Variants in ZDHHC17 observed in about 807,000 individuals in gnomAD.
ZDHHC17 encodes the protein zDHHC palmitoyltransferase 17.
In ZDHHC17, 40 loss-of-function variants were observed where a neutral mutation model predicts 90.3. The ratio of observed to expected loss-of-function variants is 0.44; its 90% CI spans 0.34 to 0.58. ZDHHC17 has a LOEUF of 0.58. Ranked by LOEUF, ZDHHC17 falls within the 20% of genes least tolerant of loss-of-function variation. The probability of loss-of-function intolerance (pLI) is 0.01; values close to 1 mark genes in which losing one functional copy is unlikely to be tolerated. For missense variants in ZDHHC17, 614 were observed against 780.8 expected, an observed-to-expected ratio of 0.79 and a Z score of 2.55; for synonymous variants, 235 against 252.4, an observed-to-expected ratio of 0.93 and a Z score of 0.65.
At chr12:76,797,570 A>T (rs746681466) in intron 2 of ZDHHC17, 33 bp downstream of exon 2, 10 of 1,490,616 alleles carry the variant, frequency 6.7e-6, no homozygotes, top group Non-Finnish European at 9.2e-6. Context: ...TTTCTTTGGC[A>T]TGTGTATTTC....
Position 76,822,466 on chromosome 12 carries a change from C to T in ZDHHC17, c.832C>T (p.Gln278Ter). The T allele has an allele frequency of 1.2e-6, 2 of 1,612,392 alleles. No homozygotes were observed. The highest frequency in any genetic ancestry group is 8.5e-7 in the Non-Finnish European group (1 of 1,179,554). The change falls in exon 8 of 17, where the codon CAA (glutamine) becomes TAA (stop). Residue 278 changes from glutamine (Q) to a stop codon, truncating the protein, a stop_gained. Coordinates refer to ENST00000426126, the MANE Select transcript of ZDHHC17 (RefSeq NM_015336.4). LOFTEE classifies it high-confidence loss of function. ...RKNVWMINHLQEARQAKGYDN... is the reference protein window; with the variant it reads ...RKNVWMINHL ...AAATGTGTGGATGATCAACCACTTA[C>T]AAGAGGCAAGGCAAGCAAAAGGATA...
intron 1 of ZDHHC17, among the ~76,000 whole-genome samples, chr12:76,772,205 A>C (rs1952500396): frequency 6.6e-6 from 1 of 152,198 alleles, no homozygotes; most frequent in Admixed American, 6.5e-5. Context: ...ATACAGTATG[A>C]TAGAGATGAT....
chr12:76,849,224 G>A (rs1286139305), intron 15 of ZDHHC17, among the ~76,000 whole-genome samples, 152 bp from the exon 16 acceptor site: 5 of 147,222 alleles, frequency 3.4e-5, no homozygotes, highest in African/African-American at 1.2e-4. Flanking sequence ...TTTTGGGGTG[G>A]GGGGAGGTGG....
At position 76,809,691 on chromosome 12, in the gene ZDHHC17, T is replaced by C. The variant is rs747250566; in HGVS notation, c.399-22T>C. 11 of 1,418,226 alleles carry C rather than the reference T, an allele frequency of 7.8e-6. No homozygotes were observed. In the Admixed American group the frequency reaches 3.4e-4, roughly 44 times the overall value. 87.9% of individuals were successfully genotyped at this position (1,418,226 alleles called of 1,614,324 possible). On this transcript the variant is annotated intron_variant, in intron 4 of 16. Coordinates refer to ENST00000426126, the MANE Select transcript of ZDHHC17 (RefSeq NM_015336.4). ...TTTGAAATAACTTTATATATCTAAG[T>C]GTTTATTCTTTTATGTTTTAGACAA...
chr12:76,816,535 A>T (rs779931150), intron 7 of ZDHHC17, among the ~76,000 whole-genome samples: 2 of 151,982 alleles, frequency 1.3e-5, no homozygotes, highest in African/African-American at 2.4e-5. Context: ...AACTATACCC[A>T]TTGACAAATG....
intron 10 of ZDHHC17, among the ~76,000 whole-genome samples, chr12:76,839,797 C>T (rs1953410918): frequency 6.6e-6 from 1 of 152,002 alleles, no homozygotes; most frequent in African/African-American, 2.4e-5. Flanking sequence ...ACTGATCAGT[C>T]GTGTTGTTAG....
chr12:76,764,907 G>C, intron 1 of ZDHHC17: 1 of 455,158 alleles, frequency 2.2e-6, no homozygotes, highest in South Asian at 1.6e-5. Context: ...AAAAACTTTT[G>C]GGAATAGACT....
intron 1 of ZDHHC17, chr12:76,764,550 G>C (rs1223608286): frequency 1.7e-6 from 1 of 582,706 alleles, no homozygotes; most frequent in African/African-American, 1.9e-5. Flanking sequence ...CGCAGTCCCT[G>C]GCTGTGCCTG....
Position 76,838,227 on chromosome 12 carries a change from C to T in ZDHHC17, c.1142-3755C>T, listed in dbSNP as rs76379360. 2.6e-3 allele frequency among the ~76,000 whole-genome samples: 390 copies of T among 152,002 alleles called. 1 individual carries two copies. Among genetic ancestry groups the T allele is most frequent in the Non-Finnish European group, 4.4e-3 (301 of 67,990 alleles). ...GCCTTTGTTCTTAATTTGTCTTTGT[C>T]CAAATTTGCGGCTGCTTTCCATACT... On this transcript the variant is annotated intron_variant, in intron 10 of 16. Transcript: ENST00000426126.
Position 76,814,437 on chromosome 12 carries a change from CTT to C in ZDHHC17, c.544-708_544-707del, listed in dbSNP as rs546079896. Among the ~76,000 whole-genome samples, 424 of 151,816 alleles carry C rather than the reference CTT, an allele frequency of 2.8e-3. 5 individuals carry two copies. The highest frequency in any genetic ancestry group is 9.6e-3 in the African/African-American group (397 of 41,474). On this transcript the variant is annotated intron_variant, in intron 5 of 16. Coordinates refer to ENST00000426126, the MANE Select transcript of ZDHHC17 (RefSeq NM_015336.4). ...TATGAACCAGAATTACAATAGATCT[CTT>C]GAGAGGAAAGAATAGGAAAGGCGTG...
intron 11 of ZDHHC17, 30 bp from the exon 12 acceptor site, chr12:76,842,889 T>G (rs1953452440): frequency 6.4e-7 from 1 of 1,550,910 alleles, no homozygotes; most frequent in Non-Finnish European, 8.8e-7. Context: ...TGTTCAGTTT[T>G]GAATTAAATA....
At chr12:76,767,686 G>A (rs61609602) in intron 1 of ZDHHC17, among the ~76,000 whole-genome samples, 28,919 of 152,130 alleles carry the variant, frequency 0.19, 3,606 homozygotes, top group East Asian at 0.57. Flanking sequence ...TAGGGAGGCC[G>A]AGGCGGGCGG....
At chr12:76,779,021 C>T (rs1295336060) in intron 1 of ZDHHC17, among the ~76,000 whole-genome samples, 1 of 152,162 alleles carries the variant, frequency 6.6e-6, no homozygotes. Context: ...ACCCAATGGC[C>T]TCATGTTAAT....
At chr12:76,780,589 C>G (rs1952611065) in intron 1 of ZDHHC17, among the ~76,000 whole-genome samples, 1 of 152,208 alleles carries the variant, frequency 6.6e-6, no homozygotes, top group Non-Finnish European at 1.5e-5. Context: ...ACTTGCTGTT[C>G]CCAGTTCCTT....
chr12:76,773,668 A>G (rs77163037), intron 1 of ZDHHC17, among the ~76,000 whole-genome samples: 185 of 152,346 alleles, frequency 1.2e-3, no homozygotes, highest in African/African-American at 4.3e-3. Context: ...TCCCAAGCCC[A>G]TAATCCTTAT....
At chr12:76,767,553 AT>A (rs1337878235) in intron 1 of ZDHHC17, among the ~76,000 whole-genome samples, 2 of 152,176 alleles carry the variant, frequency 1.3e-5, no homozygotes, top group African/African-American at 4.8e-5. Flanking sequence ...TGGGTAAGGA[AT>A]TGTGCTGGAG....
intron 7 of ZDHHC17, among the ~76,000 whole-genome samples, chr12:76,818,337 T>C (rs1445912610): frequency 6.6e-6 from 1 of 152,192 alleles, no homozygotes; most frequent in Non-Finnish European, 1.5e-5. Context: ...TTAAGTCTTA[T>C]CACCTTCTAA....
chr12:76,778,196 GGC>G (rs1432329745), intron 1 of ZDHHC17, among the ~76,000 whole-genome samples: 1 of 152,090 alleles, frequency 6.6e-6, no homozygotes, highest in East Asian at 1.9e-4. Context: ...CAGTCACACA[GGC>G]AAGGGAAGTT....
intron 1 of ZDHHC17, among the ~76,000 whole-genome samples, chr12:76,765,615 T>A (rs1349188029): frequency 1.3e-5 from 2 of 152,256 alleles, no homozygotes; most frequent in African/African-American, 4.8e-5. Flanking sequence ...AGTTTTCAGA[T>A]GTTGCCTTGA....
Sources: gnomAD v4.1 joint callset for allele counts (sites outside exome capture counted in the v4.1 genomes callset) on GRCh38, gnomAD v4.1.1 for gene constraint, MANE v1.5 for transcripts, NCBI Gene and HGNC (gene_info 2026-07-23, HGNC 2026-07-21) for gene names.